The following PKHD1 variants were observed in gnomAD, a reference collection of about 807,000 sequenced individuals.
PKHD1 encodes fibrocystin.
Under a neutral mutation model 412.0 loss-of-function variants are expected in PKHD1, and 291 were observed. That is an observed-to-expected ratio of 0.71 (90% CI 0.64 to 0.78). The LOEUF (loss-of-function observed/expected upper bound fraction) is 0.78. PKHD1 is among the 30% of genes least tolerant of loss of function. The pLI, the probability that PKHD1 is intolerant of heterozygous loss-of-function variation, is 0.00. For missense variants in PKHD1, 4,825 were observed against 4,950.7 expected (o/e 0.97, Z 0.76); for synonymous variants, 1,777 against 1,821.5 (o/e 0.98, Z 0.62).
chr6:51,960,671 C>T (rs1583577248), intron 35 of PKHD1, among the ~76,000 whole-genome samples: 1 of 152,272 alleles, frequency 6.6e-6, no homozygotes, highest in South Asian at 2.1e-4. Flanking sequence ...GAACAAAGCC[C>T]ATGCAGGCAT....
chr6:51,747,877 C>T lies in PKHD1; in HGVS notation c.9739G>A (p.Val3247Ile). ...RGGRIGILWP[V>I]FTSEPNQWPQ... ...CACTGATTTGGTTCTGAGGTGAATACAGGCCACAGAATACCAATTCGACCT... is the reference window on the plus strand; with the variant it reads ...CACTGATTTGGTTCTGAGGTGAATATAGGCCACAGAATACCAATTCGACCT... The change falls in exon 58 of 67, where the codon GTA (valine) becomes ATA (isoleucine). Residue 3247 changes from valine (V) to isoleucine (I), a missense_variant. Coordinates refer to ENST00000371117, the MANE Select transcript of PKHD1 (RefSeq NM_138694.4). The T allele has an allele frequency of 1.2e-6, 2 of 1,613,550 alleles. No individual in the cohort carries two copies. The highest frequency in any genetic ancestry group is 1.7e-6 in the Non-Finnish European group (2 of 1,179,520).
chr6:51,910,104 A>T (rs1782727885), intron 39 of PKHD1, among the ~76,000 whole-genome samples: 1 of 152,056 alleles, frequency 6.6e-6, no homozygotes, highest in African/African-American at 2.4e-5. Context: ...AACCACCTGA[A>T]CTAACACACA....
At chr6:51,869,428 T>C (rs988380546) in intron 47 of PKHD1, among the ~76,000 whole-genome samples, 2 of 152,156 alleles carry the variant, frequency 1.3e-5, no homozygotes, top group African/African-American at 4.8e-5. Flanking sequence ...CTTACAATAA[T>C]AGGCTTGGAC....
intron 52 of PKHD1, among the ~76,000 whole-genome samples, chr6:51,822,500 T>C (rs1766608854): frequency 6.6e-6 from 1 of 152,162 alleles, no homozygotes; most frequent in Non-Finnish European, 1.5e-5. Context: ...AGCATTGCCC[T>C]AAGATGCTGA....
Position 51,733,434 on chromosome 6 carries a change from G to A in PKHD1, c.10156+10951C>T, listed in dbSNP as rs535819965. ...GGGAGCCTGTAGTCCCAGCTACTGA[G>A]GCTGAGGCAGGAGAATGGTGTGAAC... On this transcript the variant is annotated intron_variant, in intron 60 of 66. Coordinates refer to ENST00000371117, the MANE Select transcript of PKHD1 (RefSeq NM_138694.4). Among the ~76,000 whole-genome samples the A allele has an allele frequency of 1.1e-4, 16 of 151,912 alleles. No homozygotes were observed. In the East Asian group the frequency reaches 2.7e-3, roughly 26 times the overall value.
chr6:51,699,061 C>T (rs187389280), intron 60 of PKHD1, among the ~76,000 whole-genome samples: 152 of 152,252 alleles, frequency 1.0e-3, no homozygotes, highest in African/African-American at 3.4e-3. Context: ...AAACAATTAT[C>T]CAAATCTGAG....
intron 35 of PKHD1, chr6:51,975,634 AAAAAAAAC>A (rs1214889662): frequency 1.3e-5 from 2 of 151,230 alleles, no homozygotes; most frequent in South Asian, 2.1e-4. Context: ...CATAAAAAAA[AAAAAAAAC>A]AAAAAGAAAA....
Position 51,744,414 on chromosome 6 carries a change from G to T in PKHD1, c.10127C>A (p.Ala3376Glu), listed in dbSNP as rs757770822. The change falls in exon 60 of 67, where the codon GCA (alanine) becomes GAA (glutamate). Residue 3376 changes from alanine (A) to glutamate (E), a missense_variant. By Grantham distance (107) the Ala-to-Glu change is moderately radical. Coordinates refer to ENST00000371117, the MANE Select transcript of PKHD1 (RefSeq NM_138694.4). ...GTTGAAGAAGGATGCAGTCCATTCT[G>T]CCTCTGTTTTAGGAAATACAGAAAC... ...PPVSVFPKTE[A>E]EWTASFFNAG... 1 of 1,613,872 alleles carries T rather than the reference G, an allele frequency of 6.2e-7. No individual in the cohort carries two copies. Among genetic ancestry groups the T allele is most frequent in the Non-Finnish European group, 8.5e-7 (1 of 1,179,778 alleles).
At chr6:51,784,361 T>C (rs1792522745) in intron 53 of PKHD1, among the ~76,000 whole-genome samples, 1 of 152,214 alleles carries the variant, frequency 6.6e-6, no homozygotes, top group Non-Finnish European at 1.5e-5. Flanking sequence ...TCCTGTTTTT[T>C]GTCAGCTCTG....
chr6:51,753,949 T>C lies in PKHD1; in HGVS notation c.8798-596A>G, dbSNP rs368174551. 9.2e-4 allele frequency among the ~76,000 whole-genome samples: 140 copies of C among 152,344 alleles called. 4 individuals carry two copies. In the South Asian group the frequency reaches 0.028, roughly 31 times the overall value. On this transcript the variant is annotated intron_variant, in intron 56 of 66. Coordinates refer to ENST00000371117, the MANE Select transcript of PKHD1 (RefSeq NM_138694.4). The stretch of plus-strand genomic sequence containing the variant: ...ACCATTTGCATTTCACCTTGCATTT[T>C]ACTGAAATCATTGCTGAAGATTTCT...
At chr6:51,807,201 G>A (rs1365179785) in intron 52 of PKHD1, among the ~76,000 whole-genome samples, 1 of 99,360 alleles carries the variant, frequency 1.0e-5, no homozygotes, top group Non-Finnish European at 2.2e-5. Context: ...GCCGAGGCAG[G>A]TTGATCACTG....
chr6:52,047,962 A>G (rs1004682666), intron 23 of PKHD1, among the ~76,000 whole-genome samples: 3 of 152,262 alleles, frequency 2.0e-5, no homozygotes, highest in Non-Finnish European at 4.4e-5. Context: ...CCTAAATACA[A>G]TTATATAATA....
At chr6:51,806,182 C>T (rs1016040968) in intron 52 of PKHD1, among the ~76,000 whole-genome samples, 21 of 151,560 alleles carry the variant, frequency 1.4e-4, no homozygotes, top group African/African-American at 4.9e-4. Context: ...ATGTAACTAA[C>T]CTGCACATTG....
At chr6:51,767,706 C>T (rs1375357126) in intron 55 of PKHD1, among the ~76,000 whole-genome samples, 6 of 152,158 alleles carry the variant, frequency 3.9e-5, no homozygotes, top group Non-Finnish European at 7.3e-5. Flanking sequence ...TTTCTTAATC[C>T]AGACTATCGT....
At chr6:51,893,051 C>T (rs887660212) in intron 43 of PKHD1, among the ~76,000 whole-genome samples, 9 of 152,110 alleles carry the variant, frequency 5.9e-5, no homozygotes, top group African/African-American at 1.9e-4. Context: ...GAAAGGTCAG[C>T]GGTACATAAG....
chr6:51,782,271 A>G (rs1375221335), intron 53 of PKHD1, among the ~76,000 whole-genome samples: 1 of 152,140 alleles, frequency 6.6e-6, no homozygotes, highest in Non-Finnish European at 1.5e-5. Context: ...AAAATATATT[A>G]AAACTACACA....
chr6:51,903,383 A>G (rs1016580398), intron 43 of PKHD1, among the ~76,000 whole-genome samples: 4 of 152,184 alleles, frequency 2.6e-5, no homozygotes, highest in Non-Finnish European at 2.9e-5. Context: ...AAATTCATCA[A>G]CTTTCTTAAC....
intron 55 of PKHD1, among the ~76,000 whole-genome samples, chr6:51,768,134 C>A (rs1047638296): frequency 2.0e-4 from 30 of 151,152 alleles, no homozygotes; most frequent in African/African-American, 7.1e-4. Flanking sequence ...AGTGTCAGTT[C>A]ATATGCTTCA....
rs1771229251 is a variant in PKHD1 at position 51,653,135 on chromosome 6, A to G, written c.11175-3915T>C. On this transcript the variant is annotated intron_variant, in intron 61 of 66. Coordinates refer to ENST00000371117, the MANE Select transcript of PKHD1 (RefSeq NM_138694.4). Reference sequence around the variant, plus strand: ...ACTATGTACAAATGTTGTTCAAGGCACTGTGAGATATGCAAAGATATAGAA... The same window carrying G: ...ACTATGTACAAATGTTGTTCAAGGCGCTGTGAGATATGCAAAGATATAGAA... Among the ~76,000 whole-genome samples the G allele has an allele frequency of 1.3e-5, 2 of 152,152 alleles. 1 individual carries two copies. The highest frequency in any genetic ancestry group is 4.1e-4 in the South Asian group (2 of 4,830).
Sources: allele counts gnomAD v4.1 joint callset (sites outside exome capture counted in the v4.1 genomes callset), GRCh38; gene constraint gnomAD v4.1.1; transcripts MANE v1.5; gene names NCBI Gene and HGNC (gene_info 2026-07-23, HGNC 2026-07-21).